The following TSPAN11 variants were observed in gnomAD, a reference collection of about 807,000 sequenced individuals.
The protein encoded by TSPAN11 is tetraspanin-11.
In TSPAN11, 29 loss-of-function variants were observed where a neutral mutation model predicts 32.9. The observed-to-expected ratio is 0.88, with a 90% CI of 0.66 to 1.20. The LOEUF is 1.20. Ranked by LOEUF, TSPAN11 falls within the 50% of genes most tolerant of loss-of-function variation. The probability of loss-of-function intolerance (pLI) is 0.00; values close to 1 mark genes in which losing one functional copy is unlikely to be tolerated. For missense variants in TSPAN11, 283 were observed against 329.1 expected, an observed-to-expected ratio of 0.86 and a Z score of 1.08; for synonymous variants, 140 against 141.3, an observed-to-expected ratio of 0.99 and a Z score of 0.07.
downstream of TSPAN11, among the ~76,000 whole-genome samples, chr12:30,997,850 T>G (rs868542201): frequency 2.0e-5 from 3 of 152,086 alleles, no homozygotes; most frequent in Non-Finnish European, 4.4e-5. Context: ...CCACTTGCGG[T>G]GTAAGCACAT....
In TSPAN11 at chr12:30,996,357, C is replaced by A. The variant is rs1238663185; in HGVS notation, c.*4442C>A. On this transcript the variant is annotated 3_prime_UTR_variant, in exon 8 of 8. Transcript: ENST00000546076. ...CCTGCTCCCCATACCCTGCCCTGTG[C>A]AAGTGCCAGCCGTTATTCCAGGCAG... The A allele has an allele frequency of 6.6e-6, 1 of 152,290 alleles. No individual in the cohort carries two copies. Among genetic ancestry groups the A allele is most frequent in the African/African-American group, 2.4e-5 (1 of 41,468 alleles). The allele number at this position is 152,290 out of a possible 1,614,324, so 9.4% of individuals were successfully genotyped here.
intron 7 of TSPAN11, among the ~76,000 whole-genome samples, chr12:30,984,864 C>T (rs1351399248): frequency 5.3e-5 from 8 of 152,136 alleles, no homozygotes; most frequent in Admixed American, 5.2e-4. Context: ...AGCTGTTCTC[C>T]ACATTTTACA....
chr12:31,014,978 C>A, the TSPAN11 span, among the ~76,000 whole-genome samples: 1 of 152,044 alleles, frequency 6.6e-6, no homozygotes, highest in Non-Finnish European at 1.5e-5. Flanking sequence ...AATGAGAAAC[C>A]CTGACTCCTC....
chr12:31,006,443 C>T, the TSPAN11 span, among the ~76,000 whole-genome samples: 3 of 152,240 alleles, frequency 2.0e-5, no homozygotes, highest in Non-Finnish European at 2.9e-5. Flanking sequence ...AAACCCACAT[C>T]GAAATTTGAG....
At chr12:30,933,616 C>A (rs955712840) in intron 1 of TSPAN11, among the ~76,000 whole-genome samples, 1 of 152,174 alleles carries the variant, frequency 6.6e-6, no homozygotes, top group Non-Finnish European at 1.5e-5. Flanking sequence ...CTGCAGCATC[C>A]AACCAGAGTC....
chr12:30,974,230 CA>C (rs984353377), intron 3 of TSPAN11, among the ~76,000 whole-genome samples: 13 of 152,232 alleles, frequency 8.5e-5, no homozygotes, highest in African/African-American at 3.1e-4. Context: ...GACACATACG[CA>C]AATCAAGTCC....
intron 1 of TSPAN11, among the ~76,000 whole-genome samples, chr12:30,947,824 T>A (rs902138159): frequency 3.9e-5 from 6 of 152,156 alleles, no homozygotes; most frequent in Admixed American, 1.3e-4. Context: ...TGCCTTCCCA[T>A]CCATCCCCCA....
At chr12:30,957,253 C>A in intron 2 of TSPAN11, among the ~76,000 whole-genome samples, 1 of 127,686 alleles carries the variant, frequency 7.8e-6, no homozygotes, top group East Asian at 2.5e-4. Flanking sequence ...ACACCATGGT[C>A]TTCTGCCCCT....
At chr12:30,960,792 A>C (rs757848139) in intron 2 of TSPAN11, among the ~76,000 whole-genome samples, 1 of 151,812 alleles carries the variant, frequency 6.6e-6, no homozygotes, top group African/African-American at 2.4e-5. Flanking sequence ...TAATCCCAGC[A>C]CTTTGGGAGG....
downstream of TSPAN11, among the ~76,000 whole-genome samples, chr12:31,000,131 A>G (rs1285945430): frequency 6.6e-6 from 1 of 152,260 alleles, no homozygotes; most frequent in African/African-American, 2.4e-5. Flanking sequence ...AGAAGAGACC[A>G]TCCCAGTGCC....
intron 1 of TSPAN11, among the ~76,000 whole-genome samples, chr12:30,930,293 G>T (rs868430793): frequency 6.6e-6 from 1 of 152,160 alleles, no homozygotes; most frequent in African/African-American, 2.4e-5. Flanking sequence ...CCCAGCCCCC[G>T]ACCTCTGAGC....
chr12:30,934,021 TG>T (rs1185614581), intron 1 of TSPAN11, among the ~76,000 whole-genome samples: 1 of 152,194 alleles, frequency 6.6e-6, no homozygotes, highest in Non-Finnish European at 1.5e-5. Flanking sequence ...AATCCAAACC[TG>T]GGAGTCCCCA....
chr12:31,011,118 G>A, the TSPAN11 span, among the ~76,000 whole-genome samples: 2 of 152,220 alleles, frequency 1.3e-5, no homozygotes, highest in Non-Finnish European at 2.9e-5. Context: ...CAGGCCAGGT[G>A]CATTGTGGCT....
At chr12:30,952,269 T>C (rs1272201808) in intron 1 of TSPAN11, among the ~76,000 whole-genome samples, 1 of 152,106 alleles carries the variant, frequency 6.6e-6, no homozygotes, top group Non-Finnish European at 1.5e-5. Context: ...GCTAAGGGCC[T>C]GCGGTGGCCC....
chr12:31,014,948 C>G, the TSPAN11 span, among the ~76,000 whole-genome samples: 10 of 152,234 alleles, frequency 6.6e-5, no homozygotes, highest in African/African-American at 2.4e-4. Flanking sequence ...AAATAATAGT[C>G]TTCCATCAGG....
chr12:30,928,160 C>G (rs1937841787), intron 1 of TSPAN11, among the ~76,000 whole-genome samples: 2 of 152,160 alleles, frequency 1.3e-5, no homozygotes, highest in Non-Finnish European at 2.9e-5. Flanking sequence ...CCCCATAGTT[C>G]TTGTGTGAGT....
Position 30,963,082 on chromosome 12 carries a change from C to G in TSPAN11, c.85-744C>G, listed in dbSNP as rs200861059. Among the ~76,000 whole-genome samples the G allele has an allele frequency of 2.0e-5, 3 of 151,850 alleles. No homozygotes were observed. The South Asian group carries it at 6.3e-4, about 32-fold the overall frequency. On this transcript the variant is annotated intron_variant, in intron 2 of 7. Coordinates refer to ENST00000546076, the MANE Select transcript of TSPAN11 (RefSeq NM_001370302.1). ...AAATCAGGAGGGTCCTATCCCTCCCCTCTTCTCAGGACCAAAGGGGAATCA... is the reference window on the plus strand; with the variant it reads ...AAATCAGGAGGGTCCTATCCCTCCCGTCTTCTCAGGACCAAAGGGGAATCA...
intron 5 of TSPAN11, 77 bp from the exon 6 acceptor site, chr12:30,982,455 T>C: frequency 6.6e-7 from 1 of 1,524,896 alleles, no homozygotes; most frequent in South Asian, 1.3e-5. Context: ...GGGTTAGTAT[T>C]TGAATAATGT....
At chr12:30,962,311 G>C (rs1442106014) in intron 2 of TSPAN11, among the ~76,000 whole-genome samples, 2 of 152,194 alleles carry the variant, frequency 1.3e-5, no homozygotes, top group Non-Finnish European at 2.9e-5. Context: ...ACACAGAGTA[G>C]AGGAGCAGGC....
Sources: allele counts gnomAD v4.1 joint callset (sites outside exome capture counted in the v4.1 genomes callset), GRCh38; gene constraint gnomAD v4.1.1; transcripts MANE v1.5; gene names NCBI Gene and HGNC (gene_info 2026-07-23, HGNC 2026-07-21).